FGF12: variants seen among roughly 807,000 people sequenced by gnomAD.
FGF12 encodes the protein fibroblast growth factor 12B.
Under a neutral mutation model 23.6 loss-of-function variants are expected in FGF12, and 14 were observed. The ratio of observed to expected loss-of-function variants is 0.59; its 90% CI spans 0.39 to 0.93. The LOEUF is 0.93. FGF12 is among the 40% of genes least tolerant of loss of function. FGF12 has a pLI of 0.00. For missense variants in FGF12, 175 were observed against 217.8 expected, an observed-to-expected ratio of 0.80 and a Z score of 1.24; for synonymous variants, 62 against 77.3, an observed-to-expected ratio of 0.80 and a Z score of 1.04.
intron 2 of FGF12, among the ~76,000 whole-genome samples, chr3:192,686,992 A>C (rs1026897277): frequency 1.3e-5 from 2 of 151,004 alleles, no homozygotes; most frequent in African/African-American, 4.9e-5. Context: ...CCACAACTGG[A>C]TAATTTTTTT....
chr3:192,296,820 G>T (rs1222797462), intron 4 of FGF12, among the ~76,000 whole-genome samples: 1 of 151,912 alleles, frequency 6.6e-6, no homozygotes, highest in African/African-American at 2.4e-5. Flanking sequence ...TTAGATTTCA[G>T]AAAAAAACAT....
intron 2 of FGF12, among the ~76,000 whole-genome samples, chr3:192,509,231 T>G (rs1724400916): frequency 6.6e-6 from 1 of 152,212 alleles, no homozygotes; most frequent in South Asian, 2.1e-4. Flanking sequence ...CTGGGTTCCC[T>G]TCTCTCTTCT....
chr3:192,621,688 T>TAGAAAAAAAAAAAAAAAAA (rs1714980389), intron 2 of FGF12, among the ~76,000 whole-genome samples: 1 of 8,888 alleles, frequency 1.1e-4, no homozygotes, highest in African/African-American at 9.8e-4. Context: ...AAGATACAAA[T>TAGAAAAAAAAAAAAAAAAA]ACAAAAAAAA....
At chr3:192,369,398 A>C (rs1451289720) in intron 2 of FGF12, among the ~76,000 whole-genome samples, 1 of 152,198 alleles carries the variant, frequency 6.6e-6, no homozygotes, top group Admixed American at 6.5e-5. Flanking sequence ...ACAGTCTCCA[A>C]AGCCCTGAGT....
At chr3:192,488,949 AAG>A (rs1448842827) in intron 2 of FGF12, among the ~76,000 whole-genome samples, 1 of 152,070 alleles carries the variant, frequency 6.6e-6, no homozygotes, top group Non-Finnish European at 1.5e-5. Context: ...AGTCACATGA[AAG>A]ACCAAATTGG....
At chr3:192,441,318 T>TG (rs1425119080) in intron 2 of FGF12, among the ~76,000 whole-genome samples, 1 of 152,166 alleles carries the variant, frequency 6.6e-6, no homozygotes, top group Non-Finnish European at 1.5e-5. Context: ...AATCTTTGAC[T>TG]GGGGGAATCT....
At position 192,567,759 on chromosome 3, in the gene FGF12, TTCTTTC is replaced by T. The variant is rs1172830456; in HGVS notation, c.13+159416_13+159421del. On this transcript the variant is annotated intron_variant, in intron 2 of 5. Transcript: ENST00000445105. Reference sequence around the variant, plus strand: ...TCTCTTTCTTTCTTTCTTTCTTTCTTTCTTTCTTTCTTTCTTTCTTTCTTTCTTTCT... The same window carrying T: ...TCTCTTTCTTTCTTTCTTTCTTTCTTTTTCTTTCTTTCTTTCTTTCTTTCT... 5.8e-4 allele frequency among the ~76,000 whole-genome samples: 75 copies of T among 129,618 alleles called. 1 individual carries two copies. Among genetic ancestry groups the T allele is most frequent in the African/African-American group, 1.9e-3 (68 of 35,542 alleles). 85.0% of individuals were successfully genotyped at this position (129,618 alleles called of 152,430 possible). A position where few individuals can be genotyped will look rare whatever the true frequency, so the allele number is the denominator to read the frequency against.
At chr3:192,464,071 C>T (rs142805214) in intron 2 of FGF12, among the ~76,000 whole-genome samples, 1 of 152,090 alleles carries the variant, frequency 6.6e-6, no homozygotes. Context: ...CTGGGTCCAC[C>T]CTTAGAGATT....
intron 2 of FGF12, among the ~76,000 whole-genome samples, chr3:192,405,654 ATT>A (rs1370873856): frequency 0.016 from 2,310 of 141,966 alleles, 69 homozygotes; most frequent in African/African-American, 0.056. Flanking sequence ...TATAAAACAG[ATT>A]CGAATAGTTT....
intron 2 of FGF12, among the ~76,000 whole-genome samples, chr3:192,389,932 T>C (rs962139907): frequency 1.1e-4 from 17 of 152,244 alleles, no homozygotes; most frequent in African/African-American, 4.1e-4. Context: ...ATGTTTAATC[T>C]AAACCAAGAA....
chr3:192,233,713 T>G (rs745450009), intron 4 of FGF12, among the ~76,000 whole-genome samples: 1 of 152,108 alleles, frequency 6.6e-6, no homozygotes, highest in Non-Finnish European at 1.5e-5. Flanking sequence ...TTTGAGTTGA[T>G]TTTTGTATAT....
intron 4 of FGF12, among the ~76,000 whole-genome samples, chr3:192,333,219 T>C (rs1056399197): frequency 1.3e-5 from 2 of 152,144 alleles, no homozygotes; most frequent in African/African-American, 4.8e-5. Flanking sequence ...TGTCAAACTT[T>C]CTGTGTTTTT....
intron 2 of FGF12, among the ~76,000 whole-genome samples, chr3:192,390,988 C>T (rs1218033795): frequency 2.0e-5 from 3 of 152,024 alleles, no homozygotes; most frequent in African/African-American, 4.8e-5. Context: ...GTATCTAGCA[C>T]GTAGTTGAAA....
chr3:192,688,206 T>C (rs1244142704), intron 2 of FGF12, among the ~76,000 whole-genome samples: 2 of 151,872 alleles, frequency 1.3e-5, no homozygotes, highest in Non-Finnish European at 1.5e-5. Flanking sequence ...AACGACCTAA[T>C]TGCCAATGTC....
intron 4 of FGF12, among the ~76,000 whole-genome samples, chr3:192,232,513 GTATTTATTTATT>G (rs112832511): frequency 2.0e-5 from 3 of 147,378 alleles, no homozygotes; most frequent in Non-Finnish European, 4.5e-5. Context: ...CCATGCACGT[GTATTTATTTATT>G]TATTTATTTA....
chr3:192,495,609 A>G (rs2108829221), intron 2 of FGF12, among the ~76,000 whole-genome samples: 1 of 152,328 alleles, frequency 6.6e-6, no homozygotes, highest in South Asian at 2.1e-4. Flanking sequence ...GTCAAAATTC[A>G]CATAGTTTTT....
At chr3:192,389,370 A>G (rs150587992) in intron 2 of FGF12, among the ~76,000 whole-genome samples, 1 of 152,300 alleles carries the variant, frequency 6.6e-6, no homozygotes, top group African/African-American at 2.4e-5. Flanking sequence ...TCAAACAACG[A>G]CAATACATAT....
intron 2 of FGF12, among the ~76,000 whole-genome samples, chr3:192,552,218 C>G (rs913961309): frequency 6.6e-6 from 1 of 151,650 alleles, no homozygotes; most frequent in Non-Finnish European, 1.5e-5. Flanking sequence ...ATAAATTAAC[C>G]AATCTGAAGA....
At chr3:192,568,399 T>C (rs1712442669) in intron 2 of FGF12, among the ~76,000 whole-genome samples, 1 of 152,136 alleles carries the variant, frequency 6.6e-6, no homozygotes, top group East Asian at 1.9e-4. Context: ...GTGTGTTTAG[T>C]TGCCATAGAG....
Sources: allele counts gnomAD v4.1 joint callset (sites outside exome capture counted in the v4.1 genomes callset), GRCh38; gene constraint gnomAD v4.1.1; transcripts MANE v1.5; gene names NCBI Gene and HGNC (gene_info 2026-07-23, HGNC 2026-07-21).